HMCN1: variants seen among roughly 807,000 people sequenced by gnomAD.
HMCN1 encodes the protein hemicentin-1.
HMCN1 carries 321 observed loss-of-function variants against 625.9 expected under a neutral mutation model. That is an observed-to-expected ratio of 0.51 (90% CI 0.47 to 0.56). The LOEUF (loss-of-function observed/expected upper bound fraction) is 0.56. Among genes scored for constraint, HMCN1 ranks in the 20% least tolerant of loss-of-function variants. The probability of loss-of-function intolerance (pLI) is 0.00; values close to 1 mark genes in which losing one functional copy is unlikely to be tolerated. For synonymous variants in HMCN1, 2,425 were observed against 2,417.6 expected, an observed-to-expected ratio of 1.00 and a Z score of -0.09; for missense variants, 6,588 against 6,887.3, an observed-to-expected ratio of 0.96 and a Z score of 1.54.
chr1:186,034,100 T>C (rs1292032699), intron 36 of HMCN1, among the ~76,000 whole-genome samples: 2 of 152,208 alleles, frequency 1.3e-5, no homozygotes, highest in Non-Finnish European at 2.9e-5. Flanking sequence ...ATAAGGATTA[T>C]TAAATGTGGG....
At position 185,977,826 on chromosome 1, in the gene HMCN1, T is replaced by C. The variant is rs1447338870; in HGVS notation, c.2411T>C (p.Met804Thr). The C allele has an allele frequency of 3.1e-6, 5 of 1,613,312 alleles. No individual in the cohort carries two copies. Among genetic ancestry groups the C allele is most frequent in the Non-Finnish European group, 3.4e-6 (4 of 1,179,442 alleles). Residue 804 changes from methionine (M) to threonine (T), a missense_variant, in exon 16 of 107, where the codon ATG becomes ACG. Met to Thr is a moderately conservative substitution (Grantham distance 81, BLOSUM62 -1). Transcript: ENST00000271588. ...VFIQEPADVSMEIGSNVTLPC... is the reference protein window; with the variant it reads ...VFIQEPADVSTEIGSNVTLPC... ...ATACAAGAACCTGCTGATGTGTCTA[T>C]GGAAATTGGCTCAAATGTGACATTA...
intron 11 of HMCN1, among the ~76,000 whole-genome samples, chr1:185,939,296 T>C (rs1284191597): frequency 6.6e-6 from 1 of 152,182 alleles, no homozygotes; most frequent in Non-Finnish European, 1.5e-5. Flanking sequence ...TTATGAGAAT[T>C]CCTTACCACG....
intron 1 of HMCN1, among the ~76,000 whole-genome samples, chr1:185,739,860 G>A (rs1425247914): frequency 6.6e-6 from 1 of 152,132 alleles, no homozygotes; most frequent in African/African-American, 2.4e-5. Context: ...GAAGGTGTTG[G>A]AATTTTAAAT....
rs35576281 is a variant in HMCN1 at position 185,982,338 on chromosome 1, G to C, written c.2739G>C (p.Leu913=). ...EGQQLTLPCT[L]LAGNPIPERR... is the part of the protein sequence containing the mutation. ...AGCAGCTTACTTTGCCCTGTACTCT[G>C]TTAGCTGGAAATCCCATTCCAGAAC... The change falls in exon 18 of 107, where the codon CTG becomes CTC. Residue 913 remains leucine, a synonymous_variant. Coordinates refer to ENST00000271588, the MANE Select transcript of HMCN1 (RefSeq NM_031935.3). 9,283 of 1,613,470 alleles carry C rather than the reference G, an allele frequency of 5.8e-3. 426 individuals are homozygous for C. The African/African-American group carries it at 0.11, about 18-fold the overall frequency.
chr1:186,152,168 C>T (rs1292798219), intron 95 of HMCN1, among the ~76,000 whole-genome samples: 1 of 152,200 alleles, frequency 6.6e-6, no homozygotes, highest in Non-Finnish European at 1.5e-5. Context: ...GCTTTTCACT[C>T]ATCCCTAGTC....
intron 40 of HMCN1, among the ~76,000 whole-genome samples, chr1:186,042,172 A>G (rs750685467): frequency 3.3e-5 from 5 of 152,130 alleles, no homozygotes; most frequent in Non-Finnish European, 2.9e-5. Context: ...TGCTCCTGCA[A>G]TTGACACGAG....
At chr1:186,053,312 AATTG>A (rs1327848272) in intron 43 of HMCN1, among the ~76,000 whole-genome samples, 1 of 152,000 alleles carries the variant, frequency 6.6e-6, no homozygotes, top group Admixed American at 6.6e-5. Context: ...TTTCTGCATT[AATTG>A]ATTATTTTTT....
At chr1:185,940,062 T>C (rs995697174) in intron 11 of HMCN1, among the ~76,000 whole-genome samples, 9 of 152,192 alleles carry the variant, frequency 5.9e-5, no homozygotes, top group African/African-American at 2.2e-4. Flanking sequence ...CTGTTAGGTA[T>C]AAAAATATGA....
At chr1:185,736,347 T>G (rs1653574527) in intron 1 of HMCN1, among the ~76,000 whole-genome samples, 1 of 152,142 alleles carries the variant, frequency 6.6e-6, no homozygotes, top group Non-Finnish European at 1.5e-5. Flanking sequence ...TATTTATATT[T>G]GAATAAAGAA....
chr1:185,754,064 C>T (rs543920489), intron 1 of HMCN1, among the ~76,000 whole-genome samples: 97 of 152,196 alleles, frequency 6.4e-4, no homozygotes, highest in African/African-American at 2.0e-3. Flanking sequence ...GGTATATGTG[C>T]GCTATGAAAT....
chr1:186,167,457 G>A (rs138977023), intron 100 of HMCN1, among the ~76,000 whole-genome samples: 1,949 of 152,198 alleles, frequency 0.013, 29 homozygotes, highest in African/African-American at 0.04. Flanking sequence ...AGGGCGGTAC[G>A]TTTGTTACAG....
chr1:185,781,327 T>G (rs956391744), intron 1 of HMCN1, among the ~76,000 whole-genome samples: 20 of 152,074 alleles, frequency 1.3e-4, no homozygotes, highest in Admixed American at 3.3e-4. Context: ...TTTTTGAAGG[T>G]TTTTTTGTGT....
intron 96 of HMCN1, among the ~76,000 whole-genome samples, chr1:186,153,437 C>T (rs1480517843): frequency 6.6e-6 from 1 of 152,136 alleles, no homozygotes; most frequent in Non-Finnish European, 1.5e-5. Context: ...CCAAGCAGAT[C>T]CACATTCAGA....
chr1:186,130,854 A>G (rs1043879686), intron 85 of HMCN1, among the ~76,000 whole-genome samples, 157 bp downstream of exon 85: 12 of 152,224 alleles, frequency 7.9e-5, no homozygotes, highest in Non-Finnish European at 1.6e-4. Context: ...AAGGATTGAA[A>G]TAGATATTTT....
At chr1:185,838,831 C>A (rs1661320875) in intron 1 of HMCN1, among the ~76,000 whole-genome samples, 1 of 152,140 alleles carries the variant, frequency 6.6e-6, no homozygotes, top group Admixed American at 6.5e-5. Context: ...TTTGCTTGTA[C>A]TTCTGACAAT....
intron 1 of HMCN1, among the ~76,000 whole-genome samples, chr1:185,772,147 G>T (rs565676756): frequency 1.3e-5 from 2 of 152,284 alleles, no homozygotes; most frequent in African/African-American, 4.8e-5. Context: ...AAGGTGGCTG[G>T]AGTTGGAGCC....
rs536148842 is a variant in HMCN1, at chr1:186,164,140, C to T, written c.15257-971C>T. On this transcript the variant is annotated intron_variant, in intron 97 of 106. Coordinates refer to ENST00000271588, the MANE Select transcript of HMCN1 (RefSeq NM_031935.3). ...TTCTGTCCCATCTATCCTAGTACCA[C>T]CCCCCTGCATGAGCAGGCAGACTTG... Among the ~76,000 whole-genome samples the T allele has an allele frequency of 1.5e-3, 226 of 152,270 alleles. 1 individual carries two copies. Among genetic ancestry groups the T allele is most frequent in the Non-Finnish European group, 2.2e-3 (148 of 68,018 alleles).
intron 97 of HMCN1, 71 bp from the exon 98 acceptor site, chr1:186,165,040 A>G: frequency 7.9e-7 from 1 of 1,269,708 alleles, no homozygotes; most frequent in South Asian, 1.2e-5. Context: ...CCCAGGGAAG[A>G]TGGTACTGGA....
chr1:186,076,227 G>T (rs1222281251), intron 53 of HMCN1, among the ~76,000 whole-genome samples: 1 of 152,050 alleles, frequency 6.6e-6, no homozygotes, highest in Non-Finnish European at 1.5e-5. Context: ...CATACTTCTT[G>T]TTCTTCCACT....
Sources: gnomAD v4.1 joint callset for allele counts (sites outside exome capture counted in the v4.1 genomes callset) on GRCh38, gnomAD v4.1.1 for gene constraint, MANE v1.5 for transcripts, NCBI Gene and HGNC (gene_info 2026-07-23, HGNC 2026-07-21) for gene names.